HYCC2: variants seen among roughly 807,000 people sequenced by gnomAD.
HYCC2 encodes the protein hyccin PI4KA lipid kinase complex subunit 2.
chr2:200,998,570 T>C, the HYCC2 span, among the ~76,000 whole-genome samples: 1 of 152,230 alleles, frequency 6.6e-6, no homozygotes, highest in Non-Finnish European at 1.5e-5. Flanking sequence ...ATCATTGGTG[T>C]CCAGCACGGT....
At chr2:201,012,079 A>C in the HYCC2 span, among the ~76,000 whole-genome samples, 1 of 152,050 alleles carries the variant, frequency 6.6e-6, no homozygotes, top group Non-Finnish European at 1.5e-5. Context: ...TTTTTTTTAA[A>C]TGGTGAGAAC....
the HYCC2 span, among the ~76,000 whole-genome samples, chr2:201,021,056 T>C: frequency 6.6e-6 from 1 of 152,146 alleles, no homozygotes; most frequent in African/African-American, 2.4e-5. Context: ...CGTGAGACAC[T>C]GCGCCGGCAA....
chr2:201,066,843 C>G, the HYCC2 span: 1 of 154,368 alleles, frequency 6.5e-6, no homozygotes, highest in Non-Finnish European at 1.4e-5. Context: ...AAAGAAGATC[C>G]GCAAGTCACC....
chr2:201,010,103 CAAA>C, the HYCC2 span, among the ~76,000 whole-genome samples: 4 of 70,722 alleles, frequency 5.7e-5, no homozygotes, highest in African/African-American at 1.0e-4. Context: ...GACTCTGTCT[CAAA>C]AAAAAAAAAA....
chr2:201,022,884 T>C, the HYCC2 span: 1 of 1,613,846 alleles, frequency 6.2e-7, no homozygotes, highest in Non-Finnish European at 8.5e-7. Flanking sequence ...AGTGTTTTTT[T>C]CCGGTGTAAA....
chr2:200,981,972 G>A, the HYCC2 span: 2 of 1,285,664 alleles, frequency 1.6e-6, no homozygotes, highest in Non-Finnish European at 2.1e-6. This position sits in a 1 kb window ranked among gnomAD's most constrained non-coding sequence, Gnocchi z 4.5. Context: ...GTTCGCTATA[G>A]GTTGTCAATG....
chr2:201,062,111 T>G, the HYCC2 span, among the ~76,000 whole-genome samples: 4 of 152,066 alleles, frequency 2.6e-5, no homozygotes, highest in East Asian at 7.7e-4. Context: ...TCTCAAAAAA[T>G]TATAAAATAA....
the HYCC2 span, among the ~76,000 whole-genome samples, chr2:201,006,295 A>AT: frequency 0.052 from 7,014 of 134,734 alleles, 386 homozygotes; most frequent in African/African-American, 0.14. Context: ...CGCCTGGTTA[A>AT]TTTTTTTTTT....
At chr2:201,025,771 T>C in the HYCC2 span, among the ~76,000 whole-genome samples, 1 of 151,904 alleles carries the variant, frequency 6.6e-6, no homozygotes, top group Non-Finnish European at 1.5e-5. Context: ...GTATAGGAAG[T>C]TAGAAGGCCA....
At chr2:201,056,180 C>A in the HYCC2 span, among the ~76,000 whole-genome samples, 1 of 150,726 alleles carries the variant, frequency 6.6e-6, no homozygotes, top group Admixed American at 6.6e-5. Context: ...GGCAAGAGTG[C>A]GAGACTCCGT....
the HYCC2 span, among the ~76,000 whole-genome samples, chr2:201,039,970 C>G: frequency 2.0e-5 from 3 of 152,132 alleles, no homozygotes; most frequent in Non-Finnish European, 2.9e-5. Context: ...GTCAGGAGAT[C>G]GAGACCATCC....
the HYCC2 span, among the ~76,000 whole-genome samples, chr2:201,007,205 A>G: frequency 6.6e-6 from 1 of 152,164 alleles, no homozygotes; most frequent in East Asian, 1.9e-4. Context: ...GTGTTTCTCG[A>G]CCTATGATGG....
chr2:201,008,925 A>T, the HYCC2 span: 1 of 1,056,662 alleles, frequency 9.5e-7, no homozygotes, highest in Non-Finnish European at 1.5e-6. Flanking sequence ...ATATATATTC[A>T]TGCATACATA....
chr2:200,994,241 T>TC, the HYCC2 span, among the ~76,000 whole-genome samples: 62 of 152,092 alleles, frequency 4.1e-4, no homozygotes, highest in African/African-American at 1.4e-3. Context: ...TTATATCATT[T>TC]CCTTTTTTTT....
the HYCC2 span, among the ~76,000 whole-genome samples, chr2:200,991,154 C>T: frequency 6.6e-6 from 1 of 152,282 alleles, no homozygotes; most frequent in Admixed American, 6.5e-5. Flanking sequence ...TTGTGCCCTG[C>T]ATATATTAAT....
At chr2:201,040,691 G>T in the HYCC2 span, among the ~76,000 whole-genome samples, 1 of 151,776 alleles carries the variant, frequency 6.6e-6, no homozygotes, top group South Asian at 2.1e-4. Flanking sequence ...CACCATGTTG[G>T]CCAGGCTGGT....
the HYCC2 span, among the ~76,000 whole-genome samples, chr2:201,033,783 C>T: frequency 6.6e-6 from 1 of 152,094 alleles, no homozygotes; most frequent in Admixed American, 6.6e-5. Context: ...AAGCACTCTT[C>T]CCATCTCGGC....
chr2:200,998,520 A>G, the HYCC2 span, among the ~76,000 whole-genome samples: 2 of 152,224 alleles, frequency 1.3e-5, no homozygotes, highest in Non-Finnish European at 2.9e-5. Flanking sequence ...GTTTAGTAAT[A>G]AAGCAACTTT....
At chr2:200,988,435 A>C in the HYCC2 span, 1 of 1,601,312 alleles carries the variant, frequency 6.2e-7, no homozygotes, top group Non-Finnish European at 8.5e-7. Flanking sequence ...CAATGATAAT[A>C]TAAGTCTATA....
Sources: allele counts gnomAD v4.1 joint callset (sites outside exome capture counted in the v4.1 genomes callset), GRCh38; gene constraint gnomAD v4.1.1; non-coding constraint Gnocchi (gnomAD v3.1); transcripts MANE v1.5; gene names NCBI Gene and HGNC (gene_info 2026-07-23, HGNC 2026-07-21).